Variants in C8orf34 observed in about 807,000 individuals in gnomAD.
The protein encoded by C8orf34 is chromosome 8 open reading frame 34, also known as uncharacterized protein C8orf34.
Under a neutral mutation model 68.3 loss-of-function variants are expected in C8orf34, and 65 were observed. The ratio of observed to expected loss-of-function variants is 0.95; its 90% CI spans 0.78 to 1.17. C8orf34 has a LOEUF of 1.17. Among genes scored for constraint, C8orf34 ranks in the 50% most tolerant of loss-of-function variants. The pLI is 0.00. For synonymous variants in C8orf34, 244 were observed against 241.2 expected (o/e 1.01, Z -0.11); for missense variants, 664 against 655.4 (o/e 1.01, Z -0.14).
intron 8 of C8orf34, among the ~76,000 whole-genome samples, chr8:68,666,523 T>C (rs1298066774): frequency 1.3e-5 from 2 of 152,196 alleles, no homozygotes; most frequent in Admixed American, 1.3e-4. Context: ...GCAAATGATG[T>C]GTATACAAAA....
At chr8:68,655,906 G>A (rs967192153) in intron 8 of C8orf34, among the ~76,000 whole-genome samples, 38 of 152,140 alleles carry the variant, frequency 2.5e-4, no homozygotes, top group African/African-American at 7.2e-5. Flanking sequence ...CTAGCCTTAG[G>A]CCCCTAAACT....
chr8:68,391,357 G>T (rs1808472154), intron 1 of C8orf34, among the ~76,000 whole-genome samples: 1 of 151,382 alleles, frequency 6.6e-6, no homozygotes, highest in Non-Finnish European at 1.5e-5. Flanking sequence ...ATTGGAAGGA[G>T]ATTGTCCTTT....
chr8:68,682,333 T>C (rs777885363), intron 8 of C8orf34, among the ~76,000 whole-genome samples: 107 of 152,156 alleles, frequency 7.0e-4, no homozygotes, highest in Non-Finnish European at 1.2e-3. Context: ...CCCATAAATA[T>C]GTACACCTGC....
intron 7 of C8orf34, chr8:68,535,929 T>C: frequency 2.2e-6 from 2 of 919,990 alleles, no homozygotes; most frequent in Non-Finnish European, 2.6e-6. Flanking sequence ...TGCTCAAATA[T>C]AAGATATTTT....
chr8:68,583,823 T>C (rs1817131909), intron 7 of C8orf34, among the ~76,000 whole-genome samples: 1 of 152,116 alleles, frequency 6.6e-6, no homozygotes, highest in African/African-American at 2.4e-5. Context: ...TCAATTTATA[T>C]TCTTGTGAGG....
At chr8:68,371,038 G>A (rs1399401573) in intron 1 of C8orf34, among the ~76,000 whole-genome samples, 2 of 152,112 alleles carry the variant, frequency 1.3e-5, no homozygotes, top group Admixed American at 6.6e-5. Flanking sequence ...CAACGGCCCA[G>A]ATGAGGTTAA....
Position 68,533,033 on chromosome 8 carries a change from A to G in C8orf34, c.989A>G (p.His330Arg). Reference protein sequence around the residue: ...NKGLKQQQQQHKKLLAAMLSQ... With the variant: ...NKGLKQQQQQRKKLLAAMLSQ... ...GGATTAAAACAGCAGCAACAGCAAC[A>G]TAAGAAACTCCTGGCCGCAATGCTC... Residue 330 changes from histidine to arginine, a missense_variant, in exon 7 of 14, where the codon CAT (histidine) becomes CGT (arginine). His to Arg is a conservative substitution (Grantham distance 29). Coordinates refer to ENST00000518698, the MANE Select transcript of C8orf34 (RefSeq NM_052958.4). 2 of 1,611,052 alleles carry G rather than the reference A, an allele frequency of 1.2e-6. No homozygotes were observed. Among genetic ancestry groups the G allele is most frequent in the Non-Finnish European group, 1.7e-6 (2 of 1,177,460 alleles).
Position 68,808,951 on chromosome 8 carries a change from T to A in C8orf34, c.1550-6935T>A, listed in dbSNP as rs531813170. Among the ~76,000 whole-genome samples the A allele has an allele frequency of 2.6e-5, 4 of 152,320 alleles. No individual in the cohort carries two copies. In the East Asian group the frequency reaches 7.7e-4, roughly 29 times the overall value. ...AAGTGTTCACTGTAATTACTAATGA[T>A]TCACCCTTTTTTGTGAGCATACACA... On this transcript the variant is annotated intron_variant, in intron 12 of 13. Transcript: ENST00000518698.
At chr8:68,736,196 T>C (rs1822117590) in intron 10 of C8orf34, among the ~76,000 whole-genome samples, 5 of 152,168 alleles carry the variant, frequency 3.3e-5, no homozygotes, top group Admixed American at 2.6e-4. Flanking sequence ...ATGGTCGACT[T>C]TTGATGTGTT....
At chr8:68,484,741 T>C (rs573233217) in intron 4 of C8orf34, among the ~76,000 whole-genome samples, 3 of 152,318 alleles carry the variant, frequency 2.0e-5, no homozygotes, top group African/African-American at 7.2e-5. Flanking sequence ...CTGTGAAGCG[T>C]TTCATTAAAA....
chr8:68,780,343 A>G (rs542517800), intron 11 of C8orf34, among the ~76,000 whole-genome samples: 3 of 152,312 alleles, frequency 2.0e-5, no homozygotes, highest in South Asian at 4.1e-4. Context: ...ACAAATTCAT[A>G]CTACAATTTC....
intron 10 of C8orf34, among the ~76,000 whole-genome samples, chr8:68,754,029 T>A (rs1449754083): frequency 6.6e-6 from 1 of 152,142 alleles, no homozygotes; most frequent in African/African-American, 2.4e-5. Flanking sequence ...AGTACCAGTA[T>A]CTGTAGTTGA....
chr8:68,641,294 G>A lies in C8orf34; in HGVS notation c.1241+783G>A, dbSNP rs148661216. On this transcript the variant is annotated intron_variant, in intron 8 of 13. Transcript: ENST00000518698. ...CTTGGATATAGGGAGGGAGGAAAGCGTAGGAAAATCAAACCAGATTTTTGT... is the reference window on the plus strand; with the variant it reads ...CTTGGATATAGGGAGGGAGGAAAGCATAGGAAAATCAAACCAGATTTTTGT... 4.0e-3 allele frequency among the ~76,000 whole-genome samples: 616 copies of A among 152,304 alleles called. 2 individuals are homozygous for A. The highest frequency in any genetic ancestry group is 0.014 in the African/African-American group (589 of 41,580).
chr8:68,476,892 A>G (rs1812642725), intron 4 of C8orf34, among the ~76,000 whole-genome samples: 1 of 152,224 alleles, frequency 6.6e-6, no homozygotes, highest in Admixed American at 6.5e-5. Context: ...GCTTATCACA[A>G]AAGAATGTTT....
At chr8:68,420,679 G>A (rs1290289704) in intron 1 of C8orf34, among the ~76,000 whole-genome samples, 2 of 152,110 alleles carry the variant, frequency 1.3e-5, no homozygotes, top group Non-Finnish European at 2.9e-5. Context: ...ACTATGTTCA[G>A]GGGATAGAGG....
intron 7 of C8orf34, among the ~76,000 whole-genome samples, chr8:68,549,257 T>TCTAC (rs1815986102): frequency 6.6e-6 from 1 of 151,818 alleles, no homozygotes; most frequent in African/African-American, 2.4e-5. Flanking sequence ...ACCCAATCTA[T>TCTAC]GGCAATCTAC....
At chr8:68,661,048 C>A (rs1243816027) in intron 8 of C8orf34, among the ~76,000 whole-genome samples, 1 of 152,126 alleles carries the variant, frequency 6.6e-6, no homozygotes, top group East Asian at 1.9e-4. Flanking sequence ...GGAGGAAAGA[C>A]TCTGGGCATG....
intron 1 of C8orf34, among the ~76,000 whole-genome samples, chr8:68,370,565 C>T (rs76267902): frequency 3.9e-5 from 6 of 152,126 alleles, no homozygotes; most frequent in Admixed American, 2.0e-4. Context: ...TTCTAGAGTG[C>T]GGAGTGGGTG....
rs566438333 is a variant in C8orf34, at chr8:68,466,738, C to CATATATATATATATGT, written c.608-1940_608-1939insGTATATATATATATAT. Among the ~76,000 whole-genome samples, 475 of 120,618 alleles carry CATATATATATATATGT rather than the reference C, an allele frequency of 3.9e-3. 21 individuals are homozygous for CATATATATATATATGT. The highest frequency in any genetic ancestry group is 0.015 in the African/African-American group (400 of 27,190). 79.1% of individuals were successfully genotyped at this position (120,618 alleles called of 152,430 possible). ...TTCTGTGAAAATAAACAACGTTGTA[C>CATATATATATATATGT]ATATATATATATATATATATATATA... is the stretch of plus-strand genomic sequence containing the variant. On this transcript the variant is annotated intron_variant, in intron 3 of 13. Transcript: ENST00000518698.
Sources: allele counts gnomAD v4.1 joint callset (sites outside exome capture counted in the v4.1 genomes callset), GRCh38; gene constraint gnomAD v4.1.1; transcripts MANE v1.5; gene names NCBI Gene and HGNC (gene_info 2026-07-23, HGNC 2026-07-21).